KCNH1: variants seen among roughly 807,000 people sequenced by gnomAD.
KCNH1 encodes the protein voltage-gated delayed rectifier potassium channel KCNH1.
In KCNH1, 27 loss-of-function variants were observed where a neutral mutation model predicts 69.2. The ratio of observed to expected loss-of-function variants is 0.39; its 90% CI spans 0.29 to 0.54. KCNH1 has a LOEUF of 0.54. Among genes scored for constraint, KCNH1 ranks in the 20% least tolerant of loss-of-function variants. KCNH1 has a pLI of 0.68. For synonymous variants in KCNH1, 456 were observed against 487.7 expected, an observed-to-expected ratio of 0.93 and a Z score of 0.86; for missense variants, 798 against 1,261.6, an observed-to-expected ratio of 0.63 and a Z score of 5.57.
chr1:210,788,949 G>A (rs983873051), intron 9 of KCNH1, among the ~76,000 whole-genome samples: 12 of 148,942 alleles, frequency 8.1e-5, no homozygotes, highest in Middle Eastern at 3.4e-3. Flanking sequence ...GCCCGCCTCG[G>A]CCTCCCAAAG....
At chr1:211,117,636 T>A (rs1288316115) in intron 1 of KCNH1, among the ~76,000 whole-genome samples, 1 of 152,192 alleles carries the variant, frequency 6.6e-6, no homozygotes, top group Non-Finnish European at 1.5e-5. Flanking sequence ...ATTAATCTAC[T>A]CTTCCCCTTC....
At chr1:210,703,737 T>C (rs997242089) in intron 10 of KCNH1, among the ~76,000 whole-genome samples, 1 of 152,204 alleles carries the variant, frequency 6.6e-6, no homozygotes, top group Admixed American at 6.5e-5. Flanking sequence ...GGGCCCTGCA[T>C]AGAGCAGGAC....
intron 6 of KCNH1, among the ~76,000 whole-genome samples, chr1:210,961,262 T>C (rs547583186): frequency 3.4e-4 from 51 of 152,206 alleles, no homozygotes; most frequent in South Asian, 1.7e-3. Flanking sequence ...TTTTTTTTTT[T>C]CCCAGCATGA....
At chr1:210,838,642 G>A (rs991613263) in intron 7 of KCNH1, among the ~76,000 whole-genome samples, 5 of 152,086 alleles carry the variant, frequency 3.3e-5, no homozygotes, top group Non-Finnish European at 7.4e-5. Flanking sequence ...CTATAGAATG[G>A]GAGAACATTT....
intron 2 of KCNH1, among the ~76,000 whole-genome samples, chr1:211,106,399 C>G (rs542998106): frequency 4.6e-5 from 7 of 152,268 alleles, no homozygotes; most frequent in Non-Finnish European, 7.3e-5. Flanking sequence ...ACTGTCAGTA[C>G]AATTTGCTAA....
At chr1:210,737,102 A>G (rs1890847) in intron 10 of KCNH1, among the ~76,000 whole-genome samples, 91,483 of 152,040 alleles carry the variant, frequency 0.6, 28,016 homozygotes, top group East Asian at 0.73. Context: ...TTTTATTTTC[A>G]ATCTCATCAT....
intron 8 of KCNH1, 63 bp downstream of exon 8, chr1:210,803,904 G>A (rs1280919119): frequency 6.9e-7 from 1 of 1,455,692 alleles, no homozygotes; most frequent in Non-Finnish European, 9.5e-7. Flanking sequence ...TCTTAGGCAA[G>A]CCTCAACCCT....
intron 6 of KCNH1, among the ~76,000 whole-genome samples, chr1:210,957,115 C>T (rs1033882084): frequency 6.6e-6 from 1 of 150,930 alleles, no homozygotes; most frequent in African/African-American, 2.4e-5. Flanking sequence ...TACATTGTGT[C>T]TTTGTTCTCA....
chr1:210,846,068 T>G (rs1328728849), intron 7 of KCNH1, among the ~76,000 whole-genome samples: 5 of 151,916 alleles, frequency 3.3e-5, no homozygotes, highest in South Asian at 2.1e-4. Context: ...CACTGCTCAA[T>G]GAAATAAAAG....
At chr1:211,080,548 T>C (rs1036311237) in intron 5 of KCNH1, among the ~76,000 whole-genome samples, 1 of 152,144 alleles carries the variant, frequency 6.6e-6, no homozygotes, top group Non-Finnish European at 1.5e-5. Context: ...GGAGGCATCA[T>C]GCTACCTGAC....
chr1:211,088,342 G>T (rs996295914), intron 4 of KCNH1, among the ~76,000 whole-genome samples: 1 of 152,160 alleles, frequency 6.6e-6, no homozygotes, highest in African/African-American at 2.4e-5. Context: ...GCTGCTGAGA[G>T]TACATCCAAG....
chr1:210,870,989 G>A (rs1057083168), intron 7 of KCNH1, among the ~76,000 whole-genome samples: 3 of 152,116 alleles, frequency 2.0e-5, no homozygotes, highest in Non-Finnish European at 4.4e-5. Context: ...CATACTTATG[G>A]AATAGGGAAA....
chr1:210,998,603 C>T (rs1689101847), intron 6 of KCNH1, among the ~76,000 whole-genome samples: 1 of 152,088 alleles, frequency 6.6e-6, no homozygotes, highest in South Asian at 2.1e-4. Flanking sequence ...GACAGATCAA[C>T]AAGACAGAAA....
intron 6 of KCNH1, among the ~76,000 whole-genome samples, chr1:211,008,080 AC>A (rs1227445197): frequency 2.0e-5 from 3 of 152,198 alleles, no homozygotes; most frequent in Non-Finnish European, 2.9e-5. Flanking sequence ...AAAAGCAGGG[AC>A]TTGAACAGAG....
intron 1 of KCNH1, among the ~76,000 whole-genome samples, chr1:211,111,547 C>A (rs1256750016): frequency 7.0e-6 from 1 of 143,316 alleles, no homozygotes; most frequent in Non-Finnish European, 1.5e-5. Flanking sequence ...CTCTGCCCGG[C>A]CCCCCGCCCC....
intron 5 of KCNH1, among the ~76,000 whole-genome samples, chr1:211,046,779 T>C (rs1258323289): frequency 6.6e-6 from 1 of 152,186 alleles, no homozygotes; most frequent in Non-Finnish European, 1.5e-5. Flanking sequence ...CTCTATTTTA[T>C]AGACAAGGAA....
In KCNH1 at chr1:210,976,069, T is replaced by C. The variant is rs528783746; in HGVS notation, c.1032+42714A>G. 3.1e-3 allele frequency among the ~76,000 whole-genome samples: 470 copies of C among 152,290 alleles called. 3 individuals carry two copies. The highest frequency in any genetic ancestry group is 0.011 in the African/African-American group (445 of 41,552). On this transcript the variant is annotated intron_variant, in intron 6 of 10. Coordinates refer to ENST00000271751, the MANE Select transcript of KCNH1 (RefSeq NM_172362.3). ...CAATGAGATACCATCTCACACCAGT[T>C]AGAATGGCAATCATTAAAAAGTCAG...
At chr1:211,050,151 T>C (rs35385507) in intron 5 of KCNH1, among the ~76,000 whole-genome samples, 31,822 of 151,142 alleles carry the variant, frequency 0.21, 3,570 homozygotes, top group Non-Finnish European at 0.25. Context: ...TGCCAGCACC[T>C]ATATGTGTGT....
At chr1:210,743,242 C>T (rs1683077608) in intron 10 of KCNH1, among the ~76,000 whole-genome samples, 1 of 152,068 alleles carries the variant, frequency 6.6e-6, no homozygotes, top group African/African-American at 2.4e-5. Flanking sequence ...CCTTCAGTTG[C>T]TCAGAGGCTA....
Sources: gnomAD v4.1 joint callset for allele counts (sites outside exome capture counted in the v4.1 genomes callset) on GRCh38, gnomAD v4.1.1 for gene constraint, MANE v1.5 for transcripts, NCBI Gene and HGNC (gene_info 2026-07-23, HGNC 2026-07-21) for gene names.